The following KLF5 variants were observed in gnomAD, a reference collection of about 807,000 sequenced individuals.
KLF5 encodes KLF transcription factor 5.
In KLF5, 9 loss-of-function variants were observed where a neutral mutation model predicts 36.9. That is an observed-to-expected ratio of 0.24 (90% CI 0.15 to 0.43). KLF5 has a LOEUF of 0.43. Among genes scored for constraint, KLF5 ranks in the 20% least tolerant of loss-of-function variants. The pLI, the probability that KLF5 is intolerant of heterozygous loss-of-function variation, is 1.00. For missense variants in KLF5, 524 were observed against 599.5 expected (o/e 0.87, Z 1.31); for synonymous variants, 246 against 241.7 (o/e 1.02, Z -0.17).
At chr13:73,064,603 GT>G (rs1484354928) in intron 3 of KLF5, among the ~76,000 whole-genome samples, 1 of 152,166 alleles carries the variant, frequency 6.6e-6, no homozygotes, top group African/African-American at 2.4e-5. Context: ...TAGTGCAGTG[GT>G]GTGATCTCAG....
In KLF5 at chr13:73,076,848, TTGA is replaced by T. The variant is rs1439171880; in HGVS notation, c.*968_*970del. 4 of 152,196 alleles carry T rather than the reference TTGA, an allele frequency of 2.6e-5. No individual in the cohort carries two copies. Among genetic ancestry groups the T allele is most frequent in the African/African-American group, 7.2e-5 (3 of 41,440 alleles). The allele number at this position is 152,196 out of a possible 1,614,324, so 9.4% of individuals were successfully genotyped here. Reference sequence around the variant, plus strand: ...CAGTTTCAAGTACCAAAACGTTGAATTGATGATGCAGTTTTCATATATCGAGAT... The same window carrying T: ...CAGTTTCAAGTACCAAAACGTTGAATTGATGCAGTTTTCATATATCGAGAT... On this transcript the variant is annotated 3_prime_UTR_variant, in exon 4 of 4. Coordinates refer to ENST00000377687, the MANE Select transcript of KLF5 (RefSeq NM_001730.5).
At chr13:73,074,773 G>A (rs1428603042) in intron 3 of KLF5, among the ~76,000 whole-genome samples, 1 of 152,188 alleles carries the variant, frequency 6.6e-6, no homozygotes, top group Non-Finnish European at 1.5e-5. Context: ...AATGGAATGG[G>A]TAGGTTGAAC....
intron 3 of KLF5, among the ~76,000 whole-genome samples, chr13:73,064,960 T>A (rs2044668907): frequency 6.6e-6 from 1 of 152,222 alleles, no homozygotes; most frequent in Admixed American, 6.5e-5. Context: ...ATATAGATGG[T>A]TACTATTTGC....
At chr13:73,073,521 AAG>A (rs35134332) in intron 3 of KLF5, among the ~76,000 whole-genome samples, 2,972 of 152,302 alleles carry the variant, frequency 0.02, 48 homozygotes, top group Non-Finnish European at 0.032. Flanking sequence ...AGTGAACAAA[AAG>A]AGTCTAGTGT....
At chr13:73,057,480 G>A (rs1298909527), upstream of KLF5, among the ~76,000 whole-genome samples, 1 of 152,136 alleles carries the variant, frequency 6.6e-6, no homozygotes, top group East Asian at 1.9e-4. Flanking sequence ...ATTCTCTGAA[G>A]GCAGTGATCA....
rs2044614091 is a variant in KLF5, at chr13:73,059,540, C to G, written c.213C>G (p.Ala71=). 2.5e-6 allele frequency: 3 copies of G among 1,183,470 alleles called. No individual in the cohort carries two copies. Among genetic ancestry groups the G allele is most frequent in the Admixed American group, 4.6e-5 (1 of 21,672 alleles). 73.3% of individuals were successfully genotyped at this position (1,183,470 alleles called of 1,614,324 possible). ...CGCCCGCGCAGGCCCCGCAGCCGGCCCAGCCGCCCGCCACCGGCCCGCGGC... is the reference window on the plus strand; with the variant it reads ...CGCCCGCGCAGGCCCCGCAGCCGGCGCAGCCGCCCGCCACCGGCCCGCGGC... ...QPAPAQAPQP[A]QPPATGPRLP... The change falls in exon 1 of 4, where the codon GCC becomes GCG. Residue 71 remains alanine, a synonymous_variant. Transcript: ENST00000377687.
intron 3 of KLF5, among the ~76,000 whole-genome samples, chr13:73,072,239 A>G (rs2044727407): frequency 6.6e-6 from 1 of 152,040 alleles, no homozygotes. Flanking sequence ...AAAAAAAAGG[A>G]CAATTTTCAG....
chr13:73,066,348 C>T (rs1218425920), intron 3 of KLF5, among the ~76,000 whole-genome samples: 1 of 151,114 alleles, frequency 6.6e-6, no homozygotes, highest in African/African-American at 2.4e-5. Context: ...CCCTTTAAGG[C>T]CCAGGTAGAA....
At chr13:73,062,805 G>T (rs901915970) in intron 2 of KLF5, 71 bp downstream of exon 2, 23 of 1,354,360 alleles carry the variant, frequency 1.7e-5, no homozygotes, top group Non-Finnish European at 2.0e-5. Flanking sequence ...GTGCGCGCGC[G>T]TGTGCGTGTG....
chr13:73,077,254 TTTTG>T lies in KLF5; in HGVS notation c.*1375_*1378del, dbSNP rs1489378840. On this transcript the variant is annotated 3_prime_UTR_variant, in exon 4 of 4. Coordinates refer to ENST00000377687, the MANE Select transcript of KLF5 (RefSeq NM_001730.5). ...ATTTTCATAACTTGATAAATTATAG[TTTTG>T]TTTGTTAGAAAAGTTGCTCTTAAAA... 3 of 152,652 alleles carry T rather than the reference TTTTG, an allele frequency of 2.0e-5. No individual in the cohort carries two copies. The highest frequency in any genetic ancestry group is 6.5e-5 in the Admixed American group (1 of 15,288). 9.5% of individuals were successfully genotyped at this position (152,652 alleles called of 1,614,324 possible).
Position 73,059,033 on chromosome 13 carries a change from G to C in KLF5, c.-295G>C, listed in dbSNP as rs1185745964. The C allele has an allele frequency of 7.0e-6, 2 of 285,264 alleles. No homozygotes were observed. Among genetic ancestry groups the C allele is most frequent in the Non-Finnish European group, 1.3e-5 (2 of 153,014 alleles). The allele number at this position is 285,264 out of a possible 1,614,324, so 17.7% of individuals were successfully genotyped here. ...CGCGGGGCAGGTACGTGCGCTCGCG[G>C]TTCTCTCGCGGAGGTCGGCGGTGGC... On this transcript the variant is annotated 5_prime_UTR_variant, in exon 1 of 4. Coordinates refer to ENST00000377687, the MANE Select transcript of KLF5 (RefSeq NM_001730.5).
intron 3 of KLF5, among the ~76,000 whole-genome samples, chr13:73,067,788 T>C (rs901408952): frequency 1.3e-5 from 2 of 151,564 alleles, no homozygotes; most frequent in African/African-American, 4.9e-5. Context: ...AACACGCCCG[T>C]AGGAGAAAAT....
chr13:73,065,762 A>G (rs986692469), intron 3 of KLF5, among the ~76,000 whole-genome samples: 4 of 152,188 alleles, frequency 2.6e-5, no homozygotes, highest in Admixed American at 6.5e-5. Context: ...GAGGGAACAC[A>G]TTTTCCTGGG....
At chr13:73,065,947 G>A (rs1306508198) in intron 3 of KLF5, among the ~76,000 whole-genome samples, 1 of 152,140 alleles carries the variant, frequency 6.6e-6, no homozygotes, top group Admixed American at 6.5e-5. Context: ...ACATTTAATC[G>A]TGGGTTGTCT....
chr13:73,074,011 A>C (rs147982795), intron 3 of KLF5, among the ~76,000 whole-genome samples: 13 of 152,296 alleles, frequency 8.5e-5, no homozygotes, highest in African/African-American at 3.1e-4. Context: ...CCAGAAAGGG[A>C]ATTAAAACAA....
chr13:73,062,622 A>G lies in KLF5; in HGVS notation c.1023A>G (p.Pro341=). The G allele has an allele frequency of 6.2e-7, 1 of 1,614,210 alleles. No homozygotes were observed. Among genetic ancestry groups the G allele is most frequent in the Non-Finnish European group, 8.5e-7 (1 of 1,180,038 alleles). Residue 341 remains proline (P), a synonymous_variant, in exon 2 of 4, where the codon CCA becomes CCG. Coordinates refer to ENST00000377687, the MANE Select transcript of KLF5 (RefSeq NM_001730.5). The stretch of plus-strand genomic sequence containing the variant: ...CTTCTAAACTGGCAATTCACAATCC[A>G]AATTTACCCACCACCCTGCCAGTTA... ...TIASKLAIHN[P]NLPTTLPVNS... is the part of the protein sequence containing the mutation.
At chr13:73,075,534 T>C (rs978500751) in intron 3 of KLF5, among the ~76,000 whole-genome samples, 174 bp from the exon 4 acceptor site, 1 of 152,220 alleles carries the variant, frequency 6.6e-6, no homozygotes, top group Non-Finnish European at 1.5e-5. Context: ...GAAATAACTC[T>C]TAACTAGCTT....
upstream of KLF5, among the ~76,000 whole-genome samples, chr13:73,058,602 G>A (rs956872804): frequency 1.3e-5 from 2 of 152,226 alleles, no homozygotes; most frequent in East Asian, 3.9e-4. Context: ...TTGAGTTTCA[G>A]GTCCTTGCAC....
chr13:73,075,897 T>C lies in KLF5; in HGVS notation c.*11T>C. The C allele has an allele frequency of 6.5e-7, 1 of 1,544,138 alleles. No homozygotes were observed. Among genetic ancestry groups the C allele is most frequent in the South Asian group, 1.2e-5 (1 of 84,456 alleles). On this transcript the variant is annotated 3_prime_UTR_variant, in exon 4 of 4. Coordinates refer to ENST00000377687, the MANE Select transcript of KLF5 (RefSeq NM_001730.5). ...AGGCACCAGAACTGAGCACTGCCCGTGTGACCCGTTCCAGGTCCCCTGGGC... is the reference window on the plus strand; with the variant it reads ...AGGCACCAGAACTGAGCACTGCCCGCGTGACCCGTTCCAGGTCCCCTGGGC...
Sources: allele counts gnomAD v4.1 joint callset (sites outside exome capture counted in the v4.1 genomes callset), GRCh38; gene constraint gnomAD v4.1.1; transcripts MANE v1.5; gene names NCBI Gene and HGNC (gene_info 2026-07-23, HGNC 2026-07-21).